Variants in DDX60L observed in about 807,000 individuals in gnomAD.
DDX60L encodes the protein DExD/H-box 60 like.
A neutral mutation model predicts 211.6 loss-of-function variants in DDX60L; 191 were observed. The observed-to-expected ratio is 0.90, with a 90% confidence interval of 0.80 to 1.02. The LOEUF is 1.02. DDX60L is among the 50% of genes least tolerant of loss of function. The pLI, the probability that DDX60L is intolerant of heterozygous loss-of-function variation, is 0.00. For missense variants in DDX60L, 2,007 were observed against 1,984.1 expected, an observed-to-expected ratio of 1.01 and a Z score of -0.22; for synonymous variants, 706 against 694.1, an observed-to-expected ratio of 1.02 and a Z score of -0.27.
chr4:168,441,505 A>G lies in DDX60L; in HGVS notation c.1139-13T>C, dbSNP rs375407814. 1.7e-5 allele frequency: 26 copies of G among 1,572,830 alleles called. No homozygotes were observed. Among genetic ancestry groups the G allele is most frequent in the Admixed American group, 3.8e-5 (2 of 51,982 alleles). On this transcript the variant is annotated splice_polypyrimidine_tract_variant and intron_variant, in intron 9 of 37. Transcript: ENST00000682922. ...TTCAAATGTGGTTCTGCATAACAAT[A>G]AAAAATATTAAAATCTCAAAAGTCA...
chr4:168,457,976 GC>G lies in DDX60L; in HGVS notation c.638del (p.Ser213ThrfsTer9). On this transcript the variant is annotated frameshift_variant, in exon 6 of 38. Transcript: ENST00000682922. LOFTEE classifies it high-confidence loss of function. ...TTATTTCTTCCAAGTGTTGTATGAG[GC>G]TTTTATATGCACTCTGAATCACTGT... Reference protein sequence around the residue: ...NETVIQSAYKSLIQHLEEIRV... With the variant: ...NETVIQSAYKXLIQHLEEIRV... The G allele has an allele frequency of 6.4e-7, 1 of 1,562,490 alleles. No individual in the cohort carries two copies. Among genetic ancestry groups the G allele is most frequent in the Non-Finnish European group, 8.7e-7 (1 of 1,150,518 alleles).
intron 35 of DDX60L, among the ~76,000 whole-genome samples, chr4:168,372,031 A>G (rs13145897): frequency 0.67 from 101,432 of 151,896 alleles, 34,726 homozygotes; most frequent in East Asian, 0.84. Context: ...AGGAACTCTC[A>G]AAGCATACTG....
intron 35 of DDX60L, 146 bp downstream of exon 35, chr4:168,373,520 C>T (rs1741392214): frequency 2.5e-6 from 2 of 810,232 alleles, no homozygotes; most frequent in African/African-American, 3.5e-5. Flanking sequence ...CACTGGCCTC[C>T]AGGGCTTCAT....
chr4:168,415,841 A>C lies in DDX60L; in HGVS notation c.2727-42T>G, dbSNP rs779964698. 16 of 1,383,204 alleles carry C rather than the reference A, an allele frequency of 1.2e-5. No homozygotes were observed. The East Asian group carries it at 4.0e-4, about 35-fold the overall frequency. 85.7% of individuals were successfully genotyped at this position (1,383,204 alleles called of 1,614,324 possible). A position where few individuals can be genotyped will look rare whatever the true frequency, so the allele number is the denominator to read the frequency against. ...GCATATAATTTAAATAAAATATAGA[A>C]GTATTTATCAAGAACTTGGATATTT... On this transcript the variant is annotated intron_variant, in intron 20 of 37. Coordinates refer to ENST00000682922, the MANE Select transcript of DDX60L (RefSeq NM_001012967.3).
At chr4:168,412,550 C>T (rs1256495583) in intron 22 of DDX60L, among the ~76,000 whole-genome samples, 1 of 149,904 alleles carries the variant, frequency 6.7e-6, no homozygotes, top group African/African-American at 2.4e-5. Flanking sequence ...TGACTCCAAG[C>T]CCTGGATCCC....
chr4:168,460,974 G>T (rs1757248214), intron 5 of DDX60L, among the ~76,000 whole-genome samples: 1 of 152,226 alleles, frequency 6.6e-6, no homozygotes, highest in Admixed American at 6.5e-5. Context: ...ACAGGGCAAG[G>T]TATGAGAAGA....
intron 8 of DDX60L, among the ~76,000 whole-genome samples, chr4:168,449,804 A>ATT (rs1251708608): frequency 3.2e-5 from 2 of 62,910 alleles, no homozygotes; most frequent in African/African-American, 1.0e-4. Flanking sequence ...GTGGGTAAAA[A>ATT]TAAAAAAAAA....
At chr4:168,401,258 G>A (rs1340138059) in intron 25 of DDX60L, among the ~76,000 whole-genome samples, 1 of 152,016 alleles carries the variant, frequency 6.6e-6, no homozygotes, top group East Asian at 1.9e-4. Context: ...GAGGCTTCAT[G>A]TGCCTGGTAA....
At chr4:168,461,267 C>T (rs974899971) in intron 5 of DDX60L, among the ~76,000 whole-genome samples, 1 of 152,116 alleles carries the variant, frequency 6.6e-6, no homozygotes, top group Non-Finnish European at 1.5e-5. Context: ...TTACAAATAA[C>T]AAAAGACATT....
intron 24 of DDX60L, among the ~76,000 whole-genome samples, chr4:168,405,194 G>A (rs1357139215): frequency 1.3e-5 from 2 of 151,984 alleles, no homozygotes; most frequent in Non-Finnish European, 2.9e-5. Context: ...TTTTTTTAGA[G>A]ACAGGATTTC....
chr4:168,436,999 A>G lies in DDX60L; in HGVS notation c.1295-3884T>C, dbSNP rs534848634. On this transcript the variant is annotated intron_variant, in intron 10 of 37. Transcript: ENST00000682922. ...GTAAGAAAAAGTATGTCCAGAATAC[A>G]GGAGATCCCTTAAGGGTTCCGTAGT... Among the ~76,000 whole-genome samples the G allele has an allele frequency of 2.0e-5, 3 of 152,312 alleles. No homozygotes were observed. The South Asian group carries it at 6.2e-4, about 32-fold the overall frequency.
intron 22 of DDX60L, among the ~76,000 whole-genome samples, chr4:168,410,593 T>C (rs1748509794): frequency 6.6e-6 from 1 of 152,216 alleles, no homozygotes. Flanking sequence ...AAGGACCAAC[T>C]ATTGGCTAAT....
At chr4:168,448,846 C>A in intron 8 of DDX60L, 67 bp from the exon 9 acceptor site, 2 of 1,455,286 alleles carry the variant, frequency 1.4e-6, no homozygotes, top group Non-Finnish European at 1.9e-6. Context: ...CTGGTTAACC[C>A]CCTATAAGGT....
At chr4:168,406,248 A>T (rs1747728113) in intron 23 of DDX60L, among the ~76,000 whole-genome samples, 170 bp from the exon 24 acceptor site, 1 of 152,194 alleles carries the variant, frequency 6.6e-6, no homozygotes, top group Non-Finnish European at 1.5e-5. Flanking sequence ...ACATAAACCT[A>T]TGATGATGGG....
chr4:168,394,550 T>G lies in DDX60L; in HGVS notation c.3725A>C (p.Gln1242Pro). Residue 1242 changes from glutamine to proline, a missense_variant, in exon 28 of 38, where the codon CAA becomes CCA. Coordinates refer to ENST00000682922, the MANE Select transcript of DDX60L (RefSeq NM_001012967.3). ...GCTGTGATGATATCCAATCCCCCTT[T>G]GTGCTAAAGCCTTCAGTTCTTTGCC... ...RHGKELKALAQRGIGYHHSSM... is the reference protein window; with the variant it reads ...RHGKELKALAPRGIGYHHSSM... 1.2e-6 allele frequency: 2 copies of G among 1,613,838 alleles called. No individual in the cohort carries two copies. Among genetic ancestry groups the G allele is most frequent in the Non-Finnish European group, 1.7e-6 (2 of 1,179,728 alleles).
At chr4:168,464,159 A>G (rs1004795653) in intron 4 of DDX60L, among the ~76,000 whole-genome samples, 1 of 152,152 alleles carries the variant, frequency 6.6e-6, no homozygotes, top group Non-Finnish European at 1.5e-5. Context: ...TTAGCTATCA[A>G]CTACTCTGAC....
intron 4 of DDX60L, chr4:168,469,036 A>T (rs190683188): frequency 7.4e-4 from 112 of 152,362 alleles, no homozygotes; most frequent in African/African-American, 2.4e-3. Context: ...AATGAATATC[A>T]TTAAAATCCC....
At chr4:168,395,438 AG>A (rs1284869118) in intron 27 of DDX60L, among the ~76,000 whole-genome samples, 1 of 152,258 alleles carries the variant, frequency 6.6e-6, no homozygotes, top group African/African-American at 2.4e-5. Context: ...CTGATAGAAC[AG>A]TGAGTCTCTC....
At chr4:168,429,052 CA>C (rs1751914314) in intron 13 of DDX60L, among the ~76,000 whole-genome samples, 1 of 152,146 alleles carries the variant, frequency 6.6e-6, no homozygotes, top group African/African-American at 2.4e-5. Flanking sequence ...TTTCCAAATT[CA>C]GGCAAAATAA....
Sources: gnomAD v4.1 joint callset for allele counts (sites outside exome capture counted in the v4.1 genomes callset) on GRCh38, gnomAD v4.1.1 for gene constraint, MANE v1.5 for transcripts, NCBI Gene and HGNC (gene_info 2026-07-23, HGNC 2026-07-21) for gene names.